GRID2: variants seen among roughly 807,000 people sequenced by gnomAD.
GRID2 encodes glutamate receptor ionotropic, delta-2.
Under a neutral mutation model 114.8 loss-of-function variants are expected in GRID2, and 33 were observed. The observed-to-expected ratio is 0.29, with a 90% CI of 0.22 to 0.38. The LOEUF (loss-of-function observed/expected upper bound fraction) is 0.38, where lower values mean the gene tolerates loss of function less well. GRID2 is among the 10% of genes least tolerant of loss of function. The pLI is 1.00. For missense variants in GRID2, 1,184 were observed against 1,257.7 expected (o/e 0.94, Z 0.89); for synonymous variants, 505 against 449.9 (o/e 1.12, Z -1.55).
rs535590476 is a variant in GRID2 at position 93,120,321 on chromosome 4, A to G, written c.735+9368A>G. Reference sequence around the variant, plus strand: ...GGATGTTTCTTGCAGCACTATTCACAATAGCAAAGACTTAGAACCAACCCA... The same window carrying G: ...GGATGTTTCTTGCAGCACTATTCACGATAGCAAAGACTTAGAACCAACCCA... On this transcript the variant is annotated intron_variant, in intron 4 of 15. Transcript: ENST00000282020. 1.9e-4 allele frequency among the ~76,000 whole-genome samples: 29 copies of G among 152,296 alleles called. No individual in the cohort carries two copies. The South Asian group carries it at 2.3e-3, about 12-fold the overall frequency.
At chr4:92,847,054 T>C (rs1274230204) in intron 2 of GRID2, among the ~76,000 whole-genome samples, 1 of 152,090 alleles carries the variant, frequency 6.6e-6, no homozygotes, top group Admixed American at 6.6e-5. Context: ...TCTCTCACTA[T>C]GATCCTGACT....
At chr4:93,381,219 C>G (rs1222626065) in intron 8 of GRID2, among the ~76,000 whole-genome samples, 1 of 152,032 alleles carries the variant, frequency 6.6e-6, no homozygotes, top group East Asian at 1.9e-4. Context: ...ACTTAGTAAA[C>G]AATGATTCCC....
chr4:93,713,139 G>A (rs1312998383), intron 14 of GRID2, among the ~76,000 whole-genome samples: 2 of 152,128 alleles, frequency 1.3e-5, no homozygotes, highest in African/African-American at 4.8e-5. Flanking sequence ...TTAGATGTTA[G>A]ACAATGAATT....
At chr4:93,570,336 C>T (rs1735823508) in intron 13 of GRID2, among the ~76,000 whole-genome samples, 1 of 152,004 alleles carries the variant, frequency 6.6e-6, no homozygotes, top group South Asian at 2.1e-4. Context: ...CACAGACTTT[C>T]CCTTAGTATT....
At chr4:93,548,690 AT>A (rs1410805237) in intron 13 of GRID2, among the ~76,000 whole-genome samples, 2 of 152,180 alleles carry the variant, frequency 1.3e-5, no homozygotes, top group East Asian at 1.9e-4. Flanking sequence ...TCATAGTCAT[AT>A]TTTTTTAAGA....
In GRID2 at chr4:93,415,269, T is replaced by G. The variant is rs139617220; in HGVS notation, c.1348-7502T>G. 1.3e-3 allele frequency among the ~76,000 whole-genome samples: 199 copies of G among 152,228 alleles called. 1 individual carries two copies. Among genetic ancestry groups the G allele is most frequent in the African/African-American group, 4.5e-3 (188 of 41,566 alleles). ...TCTTGATAGCTTTCTTTAAGATAAC[T>G]GCACTTGCAAAGTTCTTTGTACCTA... On this transcript the variant is annotated intron_variant, in intron 9 of 15. Transcript: ENST00000282020.
chr4:92,964,492 A>G (rs1000502987), intron 2 of GRID2, among the ~76,000 whole-genome samples: 1 of 151,996 alleles, frequency 6.6e-6, no homozygotes, highest in Admixed American at 6.6e-5. Flanking sequence ...TGGCACATGT[A>G]TACCTATGTA....
intron 1 of GRID2, among the ~76,000 whole-genome samples, chr4:92,384,316 TG>T (rs1024089724): frequency 1.4e-5 from 2 of 146,124 alleles, no homozygotes; most frequent in Non-Finnish European, 3.0e-5. Context: ...GCCCTTTATG[TG>T]GGGCTTTATG....
rs1008311457 is a variant in GRID2, at chr4:93,128,027, C to CAAAAAAAAAAAAAAAAAAAAAA, written c.735+17085_735+17106dup. On this transcript the variant is annotated intron_variant, in intron 4 of 15. Coordinates refer to ENST00000282020, the MANE Select transcript of GRID2 (RefSeq NM_001510.4). ...CAGAGTAAGACCTTGTCCCCCGCAA[C>CAAAAAAAAAAAAAAAAAAAAAA]AAAAAAAAAAAAAAAAAAAAAAAAA... is the stretch of plus-strand genomic sequence containing the variant. 6.4e-4 allele frequency among the ~76,000 whole-genome samples: 13 copies of CAAAAAAAAAAAAAAAAAAAAAA among 20,332 alleles called. 1 individual carries two copies. The highest frequency in any genetic ancestry group is 2.2e-3 in the African/African-American group (13 of 5,956). 13.3% of individuals were successfully genotyped at this position (20,332 alleles called of 152,430 possible). A position where few individuals can be genotyped will look rare whatever the true frequency, so the allele number is the denominator to read the frequency against.
rs548119829 is a variant in GRID2, at chr4:93,185,950, A to T, written c.736-21454A>T. ...TGTGATGTTTCCCGCCCTGTGTCCA[A>T]GTGTTCTCATTGTTGAATTCCCACC... On this transcript the variant is annotated intron_variant, in intron 4 of 15. Coordinates refer to ENST00000282020, the MANE Select transcript of GRID2 (RefSeq NM_001510.4). Among the ~76,000 whole-genome samples the T allele has an allele frequency of 2.7e-4, 41 of 152,152 alleles. No homozygotes were observed. In the East Asian group the frequency reaches 4.3e-3, roughly 16 times the overall value.
chr4:93,343,370 C>T (rs77326227), intron 8 of GRID2, among the ~76,000 whole-genome samples: 2,876 of 152,046 alleles, frequency 0.019, 49 homozygotes, highest in Admixed American at 0.034. Flanking sequence ...TAGTTGCATA[C>T]GTTTTGTAAG....
At chr4:93,142,887 A>G (rs1228694867) in intron 4 of GRID2, among the ~76,000 whole-genome samples, 1 of 152,142 alleles carries the variant, frequency 6.6e-6, no homozygotes, top group African/African-American at 2.4e-5. Context: ...CTGGAGAGAG[A>G]GAATTTTATT....
chr4:93,344,275 T>A (rs929412740), intron 8 of GRID2, among the ~76,000 whole-genome samples: 1 of 152,036 alleles, frequency 6.6e-6, no homozygotes, highest in Non-Finnish European at 1.5e-5. Context: ...GGCCAAAGAT[T>A]CCATAAAAAT....
Position 92,870,384 on chromosome 4 carries a change from G to A in GRID2, c.245-214611G>A, listed in dbSNP as rs562437525. On this transcript the variant is annotated intron_variant, in intron 2 of 15. Coordinates refer to ENST00000282020, the MANE Select transcript of GRID2 (RefSeq NM_001510.4). ...ACAGCACTTTTGTTATTTTATTCAC[G>A]TTGAATGCAGAACAGGGCTTGGCTT... Among the ~76,000 whole-genome samples the A allele has an allele frequency of 6.6e-5, 10 of 151,528 alleles. No individual in the cohort carries two copies. In the South Asian group the frequency reaches 1.0e-3, roughly 16 times the overall value.
chr4:92,922,052 G>A (rs192522664), intron 2 of GRID2, among the ~76,000 whole-genome samples: 26 of 152,274 alleles, frequency 1.7e-4, no homozygotes, highest in Admixed American at 5.2e-4. Flanking sequence ...AATTGTGGGA[G>A]CCCCTCCCTC....
intron 8 of GRID2, among the ~76,000 whole-genome samples, chr4:93,359,875 A>T (rs1268626466): frequency 8.2e-5 from 11 of 133,648 alleles, no homozygotes; most frequent in African/African-American, 3.0e-4. Context: ...GGTGTAAAAA[A>T]AAAAAAAAAA....
intron 2 of GRID2, among the ~76,000 whole-genome samples, chr4:93,053,692 T>G (rs1314241805): frequency 6.6e-6 from 1 of 151,958 alleles, no homozygotes; most frequent in East Asian, 1.9e-4. Context: ...TAATGATGAC[T>G]TGACCTCAAA....
chr4:93,055,911 T>G (rs1727188550), intron 2 of GRID2, among the ~76,000 whole-genome samples: 1 of 151,924 alleles, frequency 6.6e-6, no homozygotes, highest in Non-Finnish European at 1.5e-5. Context: ...AATAGTATTA[T>G]GAAAGAACCC....
intron 4 of GRID2, among the ~76,000 whole-genome samples, chr4:93,165,780 G>A (rs1379039194): frequency 6.6e-6 from 1 of 152,070 alleles, no homozygotes; most frequent in Non-Finnish European, 1.5e-5. Flanking sequence ...ATACTGTGCA[G>A]ACAGGAGGTG....
Sources: gnomAD v4.1 joint callset for allele counts (sites outside exome capture counted in the v4.1 genomes callset) on GRCh38, gnomAD v4.1.1 for gene constraint, MANE v1.5 for transcripts, NCBI Gene and HGNC (gene_info 2026-07-23, HGNC 2026-07-21) for gene names.